Variants in BBS2 observed in about 807,000 individuals in gnomAD.
The protein encoded by BBS2 is BBSome complex member BBS2.
In BBS2, 62 loss-of-function variants were observed where a neutral mutation model predicts 83.0. That is an observed-to-expected ratio of 0.75 (90% CI 0.61 to 0.92). The LOEUF is 0.92. Among genes scored for constraint, BBS2 ranks in the 40% least tolerant of loss-of-function variants. The probability of loss-of-function intolerance (pLI) is 0.00; values close to 1 mark genes in which losing one functional copy is unlikely to be tolerated. For missense variants in BBS2, 784 were observed against 901.0 expected, an observed-to-expected ratio of 0.87 and a Z score of 1.66; for synonymous variants, 303 against 326.1, an observed-to-expected ratio of 0.93 and a Z score of 0.76.
chr16:56,482,612 AG>A (rs1200610861), downstream of BBS2, among the ~76,000 whole-genome samples: 8 of 152,198 alleles, frequency 5.3e-5, no homozygotes, highest in Non-Finnish European at 8.8e-5. Flanking sequence ...CAGATATAGG[AG>A]GGGCCATCGT....
Position 56,519,796 on chromosome 16 carries a change from G to A in BBS2, c.67C>T (p.Arg23Cys). The A allele has an allele frequency of 6.2e-7, 1 of 1,613,756 alleles. No individual in the cohort carries two copies. The highest frequency in any genetic ancestry group is 8.5e-7 in the Non-Finnish European group (1 of 1,179,812). ...KISPRMVAIG[R>C]YDGTHPCLAA... ...AGGCACGGGTGAGTCCCGTCGTAGCGCCCTATGGCCACCATTCGGGGGCTG... is the reference window on the plus strand; with the variant it reads ...AGGCACGGGTGAGTCCCGTCGTAGCACCCTATGGCCACCATTCGGGGGCTG... Residue 23 changes from arginine to cysteine, a missense_variant, in exon 1 of 17, where the codon CGC becomes TGC. Transcript: ENST00000245157.
At chr16:56,492,760 A>C (rs1278099858) in intron 15 of BBS2, among the ~76,000 whole-genome samples, 2 of 152,224 alleles carry the variant, frequency 1.3e-5, no homozygotes, top group African/African-American at 4.8e-5. Flanking sequence ...AGAAACAGGC[A>C]ATCTCATACA....
chr16:56,517,821 CT>C (rs11429010), intron 1 of BBS2, among the ~76,000 whole-genome samples: 351 of 137,958 alleles, frequency 2.5e-3, no homozygotes, highest in Middle Eastern at 3.6e-3. Context: ...TTTGTCAGTG[CT>C]TTTTTTTTTT....
chr16:56,519,546 A>T, intron 1 of BBS2, 200 bp downstream of exon 1: 1 of 579,328 alleles, frequency 1.7e-6, no homozygotes, highest in Middle Eastern at 4.7e-4. Context: ...ATGACAAGAA[A>T]ACGTCAACTT....
intron 17 of BBS2, among the ~76,000 whole-genome samples, chr16:56,473,409 C>T (rs1430092910): frequency 1.3e-5 from 2 of 152,116 alleles, no homozygotes; most frequent in African/African-American, 4.8e-5. Flanking sequence ...TAGATTTTTT[C>T]CAGTTCTTCA....
intron 12 of BBS2, chr16:56,499,336 A>T (rs1490482944): frequency 4.0e-6 from 1 of 252,486 alleles, no homozygotes; most frequent in African/African-American, 2.3e-5. Flanking sequence ...GATTATCCTT[A>T]CTTATTAGAT....
downstream of BBS2, among the ~76,000 whole-genome samples, chr16:56,483,525 G>C (rs1963695450): frequency 1.3e-5 from 2 of 152,100 alleles, no homozygotes; most frequent in Non-Finnish European, 2.9e-5. Flanking sequence ...CATAACTATG[G>C]AGAAATCCTT....
At chr16:56,482,450 C>G (rs1177175303), downstream of BBS2, among the ~76,000 whole-genome samples, 1 of 152,088 alleles carries the variant, frequency 6.6e-6, no homozygotes, top group African/African-American at 2.4e-5. Context: ...ACAGCAACCT[C>G]TGTGTGAGGC....
At chr16:56,504,940 T>C (rs1182182913) in intron 7 of BBS2, among the ~76,000 whole-genome samples, 5 of 152,214 alleles carry the variant, frequency 3.3e-5, no homozygotes. Flanking sequence ...TAGTGCCCTA[T>C]AAAAGAAGGC....
Position 56,497,068 on chromosome 16 carries a change from A to G in BBS2, c.1809T>C (p.Tyr603=), listed in dbSNP as rs1174663176. The change falls in exon 15 of 17, where the codon TAT becomes TAC. Residue 603 remains tyrosine (Y), a synonymous_variant. Coordinates refer to ENST00000245157, the MANE Select transcript of BBS2 (RefSeq NM_031885.5). ...LRKVLVKVDE[Y]HSVHQKLSAD... ...CACTGAGCTTCTGATGCACTGAATG[A>G]TATTCATCCACCTGGAGACCATGAA... The G allele has an allele frequency of 1.9e-6, 3 of 1,610,428 alleles. No individual in the cohort carries two copies. Among genetic ancestry groups the G allele is most frequent in the Non-Finnish European group, 2.5e-6 (3 of 1,176,716 alleles).
downstream of BBS2, among the ~76,000 whole-genome samples, chr16:56,480,861 C>G (rs759685253): frequency 4.6e-5 from 7 of 151,996 alleles, no homozygotes; most frequent in Non-Finnish European, 1.0e-4. Flanking sequence ...AAAATCAGTC[C>G]ACAAAGACAA....
downstream of BBS2, among the ~76,000 whole-genome samples, chr16:56,479,986 C>T (rs1270633368): frequency 6.6e-6 from 1 of 152,212 alleles, no homozygotes; most frequent in Non-Finnish European, 1.5e-5. Context: ...GCTTCAAGCT[C>T]CAGCATTGGA....
chr16:56,482,339 CTCT>C (rs766722042), downstream of BBS2, among the ~76,000 whole-genome samples: 2 of 152,060 alleles, frequency 1.3e-5, no homozygotes, highest in Non-Finnish European at 2.9e-5. Context: ...CAGTTTCCTC[CTCT>C]GTGAGGCACA....
chr16:56,496,905 T>G (rs1056579778), intron 15 of BBS2, 62 bp downstream of exon 15: 2 of 1,132,202 alleles, frequency 1.8e-6, no homozygotes, highest in Non-Finnish European at 2.7e-6. Context: ...ATCTGAGAGT[T>G]GCTATTCCAT....
chr16:56,513,036 C>T (rs1964623054), intron 2 of BBS2, among the ~76,000 whole-genome samples: 1 of 152,130 alleles, frequency 6.6e-6, no homozygotes, highest in African/African-American at 2.4e-5. Flanking sequence ...CCTGTAGTCC[C>T]AGCTACTCAG....
In BBS2 at chr16:56,485,710, G is replaced by A. The variant is rs777862460; in HGVS notation, c.1939C>T (p.Leu647Phe). 6.2e-7 allele frequency: 1 copy of A among 1,613,682 alleles called. No homozygotes were observed. Among genetic ancestry groups the A allele is most frequent in the African/African-American group, 1.3e-5 (1 of 74,916 alleles). Reference protein sequence around the residue: ...MKTMKSRYMELYDLNRDLLNG... With the variant: ...MKTMKSRYMEFYDLNRDLLNG... ...AGCAAGTCTCTATTAAGGTCATAGA[G>A]TTCCATATAACGACTCTTCATTGTT... is the stretch of plus-strand genomic sequence containing the variant. Residue 647 changes from leucine to phenylalanine, a missense_variant, in exon 16 of 17, where the codon CTC (leucine) becomes TTC (phenylalanine). Coordinates refer to ENST00000245157, the MANE Select transcript of BBS2 (RefSeq NM_031885.5).
At chr16:56,512,310 C>T (rs530678716) in intron 2 of BBS2, among the ~76,000 whole-genome samples, 13 of 152,210 alleles carry the variant, frequency 8.5e-5, no homozygotes, top group Non-Finnish European at 1.2e-4. Context: ...TCTTATAAAC[C>T]ACATAGCCCA....
chr16:56,492,363 A>G (rs1312760016), intron 15 of BBS2, among the ~76,000 whole-genome samples: 8 of 152,250 alleles, frequency 5.3e-5, no homozygotes, highest in Non-Finnish European at 1.0e-4. Flanking sequence ...ATATGTGACA[A>G]CATGGACGAA....
At position 56,490,146 on chromosome 16, in the gene BBS2, AC is replaced by A. The variant is rs1203253403; in HGVS notation, c.1911-4409del. Among the ~76,000 whole-genome samples the A allele has an allele frequency of 7.3e-5, 11 of 151,708 alleles. No individual in the cohort carries two copies. In the East Asian group the frequency reaches 1.9e-3, roughly 27 times the overall value. ...CACACACGCACACACACACACACACACACAAAAATAATAATAATATAATAAT... is the reference window on the plus strand; with the variant it reads ...CACACACGCACACACACACACACACAACAAAAATAATAATAATATAATAAT... On this transcript the variant is annotated intron_variant, in intron 15 of 16. Transcript: ENST00000245157.
Sources: allele counts gnomAD v4.1 joint callset (sites outside exome capture counted in the v4.1 genomes callset), GRCh38; gene constraint gnomAD v4.1.1; transcripts MANE v1.5; gene names NCBI Gene and HGNC (gene_info 2026-07-23, HGNC 2026-07-21).